The following CACNA1G variants were observed in gnomAD, a reference collection of about 807,000 sequenced individuals.
CACNA1G encodes calcium voltage-gated channel subunit alpha1 G, also known as voltage-dependent T-type calcium channel subunit alpha-1G.
In CACNA1G, 67 loss-of-function variants were observed where a neutral mutation model predicts 219.4. That is an observed-to-expected ratio of 0.31 (90% CI 0.25 to 0.37). CACNA1G has a LOEUF of 0.37. CACNA1G is among the 10% of genes least tolerant of loss of function. CACNA1G has a pLI of 1.00. For synonymous variants in CACNA1G, 1,296 were observed against 1,345.3 expected, an observed-to-expected ratio of 0.96 and a Z score of 0.80; for missense variants, 2,380 against 3,231.4, an observed-to-expected ratio of 0.74 and a Z score of 6.39.
chr17:50,574,578 A>G (rs1452511413), intron 7 of CACNA1G, among the ~76,000 whole-genome samples: 1 of 151,358 alleles, frequency 6.6e-6, no homozygotes, highest in Non-Finnish European at 1.5e-5. Context: ...CCCCACCCCC[A>G]CTCCCTTTCC....
intron 13 of CACNA1G, among the ~76,000 whole-genome samples, chr17:50,594,107 A>AGG (rs1568077317): frequency 6.6e-6 from 1 of 152,198 alleles, no homozygotes; most frequent in Non-Finnish European, 1.5e-5. Context: ...GGAGGCTTCA[A>AGG]GGGTAGCCCC....
rs763340278 is a variant in CACNA1G, at chr17:50,599,525, T to C, written c.3356T>C (p.Leu1119Pro). 2.0e-5 allele frequency: 33 copies of C among 1,611,550 alleles called. No homozygotes were observed. The highest frequency in any genetic ancestry group is 3.4e-5 in the Admixed American group (2 of 59,676). Residue 1119 changes from leucine (L) to proline (P), a missense_variant, in exon 17 of 38, where the codon CTG becomes CCG. Around this residue, in one of 17 missense-constraint regions of CACNA1G, gnomAD observed 418 missense variants for 434.3 expected, o/e 0.96. Transcript: ENST00000359106. ...SRNSLGRAPS[L>P]KRRSPSGERR... ...AACAGCCTCGGCCGTGCACCCAGCC[T>C]GAAGCGGAGAAGCCCAAGTGGAGAG... is the stretch of plus-strand genomic sequence containing the variant.
rs781079297 is a variant in CACNA1G at position 50,594,985 on chromosome 17, C to G, written c.2911-8C>G. The G allele has an allele frequency of 4.5e-6, 7 of 1,552,692 alleles. No individual in the cohort carries two copies. In the South Asian group the frequency reaches 8.3e-5, roughly 18 times the overall value. On this transcript the variant is annotated splice_polypyrimidine_tract_variant and splice_region_variant and intron_variant, in intron 13 of 37. Coordinates refer to ENST00000359106, the MANE Select transcript of CACNA1G (RefSeq NM_018896.5). The stretch of plus-strand genomic sequence containing the variant: ...GCAGCCCTCCCCTGCCTCCCCCTTT[C>G]CCTGTAGGAAATCAGCAAACGGGAA...
intron 26 of CACNA1G, among the ~76,000 whole-genome samples, chr17:50,610,148 T>C (rs1002487335): frequency 2.0e-5 from 3 of 152,176 alleles, no homozygotes; most frequent in Admixed American, 1.3e-4. Context: ...GCCGACGCCC[T>C]TTGGAGAGCC....
chr17:50,598,334 T>C (rs1357747736), intron 16 of CACNA1G, among the ~76,000 whole-genome samples: 1 of 152,232 alleles, frequency 6.6e-6, no homozygotes, highest in Non-Finnish European at 1.5e-5. Flanking sequence ...TGGCCCATAT[T>C]TTCTTTATCC....
At chr17:50,605,128 C>T (rs1040112361) in intron 22 of CACNA1G, among the ~76,000 whole-genome samples, 10 of 152,208 alleles carry the variant, frequency 6.6e-5, no homozygotes, top group South Asian at 2.1e-4. Context: ...CCCTTCCTCA[C>T]TTCCCAGCCT....
chr17:50,605,808 GC>G, intron 22 of CACNA1G, 89 bp from the exon 23 acceptor site: 1 of 1,438,610 alleles, frequency 7.0e-7, no homozygotes, highest in South Asian at 1.2e-5. Context: ...CTCAAAATGT[GC>G]CCAGGCTGGC....
Position 50,603,914 on chromosome 17 carries a change from G to A in CACNA1G, c.4170-241G>A, listed in dbSNP as rs1282962512. ...TCCCCACTCCCAACCCAAACAGGTCGTACATTTGACATCCTGGGATGGAGG... is the reference window on the plus strand; with the variant it reads ...TCCCCACTCCCAACCCAAACAGGTCATACATTTGACATCCTGGGATGGAGG... On this transcript the variant is annotated intron_variant, in intron 21 of 37. Transcript: ENST00000359106. The surrounding 1 kb of genome is among the most constrained non-coding windows in gnomAD (Gnocchi z 6.4). Among the ~76,000 whole-genome samples, 5 of 152,098 alleles carry A rather than the reference G, an allele frequency of 3.3e-5. No homozygotes were observed. Among genetic ancestry groups the A allele is most frequent in the Admixed American group, 1.3e-4 (2 of 15,272 alleles).
rs2050756141 is a variant in CACNA1G at position 50,617,104 on chromosome 17, C to T, written c.5022-334C>T. ...GCTCAAGTGATCCTCCCACCTCAGA[C>T]TCCCAAAGTGTTGGGACTGCAGGTG... On this transcript the variant is annotated intron_variant, in intron 28 of 37. Transcript: ENST00000359106. The surrounding 1 kb of genome is among the most constrained non-coding windows in gnomAD (Gnocchi z 5.8). Among the ~76,000 whole-genome samples, 1 of 152,240 alleles carries T rather than the reference C, an allele frequency of 6.6e-6. No homozygotes were observed. Among genetic ancestry groups the T allele is most frequent in the African/African-American group, 2.4e-5 (1 of 41,452 alleles).
In CACNA1G at chr17:50,621,235, G is replaced by A. The variant is rs1256014337; in HGVS notation, c.5926-425G>A. Among the ~76,000 whole-genome samples the A allele has an allele frequency of 6.6e-6, 1 of 152,166 alleles. No individual in the cohort carries two copies. Reference sequence around the variant, plus strand: ...CGTGCCGCTCTGTCTGTGCCGGGAGGAGAGACAGTGCTTTGCTGGCCTTTC... The same window carrying A: ...CGTGCCGCTCTGTCTGTGCCGGGAGAAGAGACAGTGCTTTGCTGGCCTTTC... On this transcript the variant is annotated intron_variant, in intron 34 of 37. Coordinates refer to ENST00000359106, the MANE Select transcript of CACNA1G (RefSeq NM_018896.5). The surrounding 1 kb of genome is among the most constrained non-coding windows in gnomAD (Gnocchi z 4.6).
At chr17:50,599,317 C>T (rs2046151234) in intron 16 of CACNA1G, 111 bp from the exon 17 acceptor site, 1 of 1,005,468 alleles carries the variant, frequency 9.9e-7, no homozygotes. Flanking sequence ...CTCCTGCTCA[C>T]ATCCCTACAC....
At chr17:50,581,544 C>A (rs1050535980) in intron 9 of CACNA1G, among the ~76,000 whole-genome samples, 10 of 152,198 alleles carry the variant, frequency 6.6e-5, no homozygotes, top group African/African-American at 1.4e-4. Flanking sequence ...TCCCGTCCCC[C>A]CAACCTGCGC....
intron 23 of CACNA1G, chr17:50,606,272 G>T: frequency 2.8e-6 from 2 of 717,912 alleles, no homozygotes; most frequent in African/African-American, 1.7e-5. Context: ...GAGGGTAAGG[G>T]GCTTGCCCAG....
rs1456838875 is a variant in CACNA1G, at chr17:50,571,236, C to T, written c.587-642C>T. Among the ~76,000 whole-genome samples the T allele has an allele frequency of 6.6e-6, 1 of 152,176 alleles. No homozygotes were observed. Among genetic ancestry groups the T allele is most frequent in the Non-Finnish European group, 1.5e-5 (1 of 68,036 alleles). On this transcript the variant is annotated intron_variant, in intron 4 of 37. Transcript: ENST00000359106. This position sits in a 1 kb window ranked among gnomAD's most constrained non-coding sequence, Gnocchi z 4.3. ...GGAATAGTTTCAGGGAAGCAGGGCT[C>T]AGAGCCATAGTGAAGCACAGGGCAT...
chr17:50,615,402 C>T lies in CACNA1G; in HGVS notation c.4801C>T (p.Arg1601Trp), dbSNP rs751861938. The T allele has an allele frequency of 6.2e-7, 1 of 1,612,538 alleles. No homozygotes were observed. Among genetic ancestry groups the T allele is most frequent in the East Asian group, 2.2e-5 (1 of 44,862 alleles). The part of the protein sequence containing the change: ...KPYYSDYSRF[R>W]LLVHHLCTSH... ...TTACTACTCCGACTACTCCCGCTTC[C>T]GGCTCCTCGTCCACCACTTGTGCAC... Residue 1601 changes from arginine (R) to tryptophan (W), a missense_variant, in exon 27 of 38, where the codon CGG becomes TGG. Arg to Trp is a moderately radical substitution (Grantham distance 101, BLOSUM62 -3). Transcript: ENST00000359106.
chr17:50,607,091 A>G (rs2048120896), intron 24 of CACNA1G, 102 bp downstream of exon 24: 1 of 898,840 alleles, frequency 1.1e-6, no homozygotes, highest in Non-Finnish European at 1.8e-6. Flanking sequence ...ATGCCATGAA[A>G]GAAGCATCAT....
chr17:50,599,602 A>C lies in CACNA1G; in HGVS notation c.3433A>C (p.Ser1145Arg), dbSNP rs763432483. The change falls in exon 17 of 38, where the codon AGC becomes CGC. Residue 1145 changes from serine (S) to arginine (R), a missense_variant. Physicochemically the swap from Ser to Arg is moderately radical, Grantham distance 110 (BLOSUM62 -1). Around this residue, in one of 17 missense-constraint regions of CACNA1G, gnomAD observed 418 missense variants for 434.3 expected, o/e 0.96. Coordinates refer to ENST00000359106, the MANE Select transcript of CACNA1G (RefSeq NM_018896.5). ...CCAGGAGAGCCAGGATGAAGAGGAG[A>C]GCTCAGAAGAGGAGCGGGCCAGCCC... ...EGQESQDEEE[S>R]SEEERASPAG... 5 of 1,613,234 alleles carry C rather than the reference A, an allele frequency of 3.1e-6. No homozygotes were observed. The highest frequency in any genetic ancestry group is 4.2e-6 in the Non-Finnish European group (5 of 1,179,648).
chr17:50,590,862 G>A (rs2044160835), intron 10 of CACNA1G, among the ~76,000 whole-genome samples: 2 of 152,124 alleles, frequency 1.3e-5, no homozygotes, highest in Non-Finnish European at 2.9e-5. Flanking sequence ...CATTGCCCAG[G>A]CCCCTCTTTA....
chr17:50,569,396 T>C, intron 3 of CACNA1G, 98 bp downstream of exon 3: 1 of 1,293,788 alleles, frequency 7.7e-7, no homozygotes, highest in Admixed American at 1.8e-5. Context: ...CCAGCCCAGT[T>C]ACAGCACCAC....
Sources: allele counts gnomAD v4.1 joint callset (sites outside exome capture counted in the v4.1 genomes callset), GRCh38; gene constraint gnomAD v4.1.1; regional missense constraint gnomAD v4.1.1; non-coding constraint Gnocchi (gnomAD v3.1); transcripts MANE v1.5; gene names NCBI Gene and HGNC (gene_info 2026-07-23, HGNC 2026-07-21).